The following SKAP2 variants were observed in gnomAD, a reference collection of about 807,000 sequenced individuals.
The protein encoded by SKAP2 is src kinase-associated phosphoprotein 2.
In SKAP2, 28 loss-of-function variants were observed where a neutral mutation model predicts 54.9. The observed-to-expected ratio is 0.51, with a 90% CI of 0.38 to 0.70. The LOEUF is 0.70. Among genes scored for constraint, SKAP2 ranks in the 30% least tolerant of loss-of-function variants. The pLI is 0.00. For missense variants in SKAP2, 356 were observed against 424.1 expected (o/e 0.84, Z 1.41); for synonymous variants, 137 against 134.3 (o/e 1.02, Z -0.14).
intron 4 of SKAP2, among the ~76,000 whole-genome samples, chr7:26,760,540 T>C (rs1782904800): frequency 6.6e-6 from 1 of 152,132 alleles, no homozygotes; most frequent in Non-Finnish European, 1.5e-5. Flanking sequence ...ATTTATAATT[T>C]AGGCACTGCA....
intron 11 of SKAP2, among the ~76,000 whole-genome samples, chr7:26,673,839 A>G (rs1244542498): frequency 1.3e-5 from 2 of 152,120 alleles, no homozygotes; most frequent in Non-Finnish European, 2.9e-5. Flanking sequence ...ACTGGGTAAG[A>G]AGGCAGGAAA....
chr7:26,772,273 T>C (rs1783204845), intron 4 of SKAP2, among the ~76,000 whole-genome samples: 1 of 152,194 alleles, frequency 6.6e-6, no homozygotes, highest in African/African-American at 2.4e-5. Context: ...TGTAGGTTTG[T>C]TACAAGGGTA....
intron 4 of SKAP2, among the ~76,000 whole-genome samples, chr7:26,776,426 A>G (rs1206913051): frequency 2.0e-5 from 3 of 152,122 alleles, no homozygotes; most frequent in Admixed American, 2.0e-4. Flanking sequence ...GACTGAACTC[A>G]TTACCTCCTT....
chr7:26,659,598 T>C, the SKAP2 span, among the ~76,000 whole-genome samples: 1 of 152,186 alleles, frequency 6.6e-6, no homozygotes, highest in African/African-American at 2.4e-5. Context: ...AAATCACTTC[T>C]AGCATGTTTA....
chr7:26,819,865 G>C (rs1031492096), intron 4 of SKAP2, among the ~76,000 whole-genome samples: 6 of 152,090 alleles, frequency 3.9e-5, no homozygotes, highest in African/African-American at 1.4e-4. Context: ...AATCTAGAAG[G>C]AGCAAGTAGA....
intron 4 of SKAP2, among the ~76,000 whole-genome samples, chr7:26,810,719 G>C (rs1784124787): frequency 6.6e-6 from 1 of 152,046 alleles, no homozygotes; most frequent in African/African-American, 2.4e-5. Context: ...GTCTCACTCT[G>C]TCACCAGGCT....
At chr7:26,846,051 T>C (rs1398018273) in intron 3 of SKAP2, among the ~76,000 whole-genome samples, 1 of 152,210 alleles carries the variant, frequency 6.6e-6, no homozygotes, top group Admixed American at 6.5e-5. Flanking sequence ...ATGGAATATG[T>C]ACCAGTAGGG....
rs1327291807 is a variant in SKAP2, at chr7:26,668,986, C to G, written c.*680G>C. On this transcript the variant is annotated 3_prime_UTR_variant, in exon 13 of 13. Coordinates refer to ENST00000345317, the MANE Select transcript of SKAP2 (RefSeq NM_003930.5). ...AAATGTTGCCAGGCCCATCATCGCA[C>G]CAGGATATTTGTACGGTAAAATGCT... 1 of 152,048 alleles carries G rather than the reference C, an allele frequency of 6.6e-6. No individual in the cohort carries two copies. Among genetic ancestry groups the G allele is most frequent in the East Asian group, 1.9e-4 (1 of 5,190 alleles). 9.4% of individuals were successfully genotyped at this position (152,048 alleles called of 1,614,324 possible).
At chr7:26,846,895 C>A (rs1306686310) in intron 3 of SKAP2, among the ~76,000 whole-genome samples, 1 of 152,114 alleles carries the variant, frequency 6.6e-6, no homozygotes, top group African/African-American at 2.4e-5. Context: ...GCAGGGAGAA[C>A]TGCTTGAACC....
intron 4 of SKAP2, among the ~76,000 whole-genome samples, chr7:26,773,050 A>G (rs3801855): frequency 0.38 from 57,701 of 151,976 alleles, 11,559 homozygotes; most frequent in Middle Eastern, 0.48. Flanking sequence ...TAAGATGAAG[A>G]TGATATTTTC....
intron 4 of SKAP2, among the ~76,000 whole-genome samples, chr7:26,815,798 A>T (rs1784253933): frequency 6.6e-6 from 1 of 152,206 alleles, no homozygotes; most frequent in South Asian, 2.1e-4. Flanking sequence ...CCCCAAACTT[A>T]GTTGGGAATG....
At chr7:26,849,600 G>A (rs754736124) in intron 3 of SKAP2, among the ~76,000 whole-genome samples, 7 of 150,488 alleles carry the variant, frequency 4.7e-5, no homozygotes, top group Non-Finnish European at 1.0e-4. Flanking sequence ...AAGGAGAATC[G>A]CTTGAACCCA....
intron 4 of SKAP2, among the ~76,000 whole-genome samples, chr7:26,771,012 T>C (rs1416294028): frequency 1.3e-5 from 2 of 152,196 alleles, no homozygotes; most frequent in African/African-American, 4.8e-5. Flanking sequence ...CTTAATAATA[T>C]TTCAAAGGAA....
chr7:26,791,244 A>G (rs977656465), intron 4 of SKAP2, among the ~76,000 whole-genome samples: 2 of 152,140 alleles, frequency 1.3e-5, no homozygotes, highest in African/African-American at 4.8e-5. Flanking sequence ...ACCTAGTTCA[A>G]TATAAAAATT....
At chr7:26,781,010 C>A (rs924939320) in intron 4 of SKAP2, among the ~76,000 whole-genome samples, 2 of 152,046 alleles carry the variant, frequency 1.3e-5, no homozygotes, top group South Asian at 2.1e-4. Context: ...TATACAAATT[C>A]CTATTATAAT....
chr7:26,855,007 T>C, intron 1 of SKAP2, 117 bp from the exon 2 acceptor site: 3 of 666,484 alleles, frequency 4.5e-6, no homozygotes, highest in Admixed American at 3.3e-5. Flanking sequence ...CAATTTGTTA[T>C]AGTTATTTAT....
At chr7:26,759,193 T>C (rs1358222582) in intron 4 of SKAP2, among the ~76,000 whole-genome samples, 2 of 152,214 alleles carry the variant, frequency 1.3e-5, no homozygotes, top group Non-Finnish European at 2.9e-5. Context: ...TTAATAGATA[T>C]ACTGACACAA....
At chr7:26,719,630 A>G (rs1337273307) in intron 9 of SKAP2, among the ~76,000 whole-genome samples, 1 of 152,196 alleles carries the variant, frequency 6.6e-6, no homozygotes, top group Admixed American at 6.5e-5. Context: ...TCCTTCCAAG[A>G]TAGTAGCTCA....
chr7:26,708,366 A>G (rs923083621), intron 9 of SKAP2, among the ~76,000 whole-genome samples: 2 of 151,986 alleles, frequency 1.3e-5, no homozygotes, highest in African/African-American at 4.8e-5. Context: ...TTATTATTGT[A>G]GGGGCAAAAA....
Sources: allele counts gnomAD v4.1 joint callset (sites outside exome capture counted in the v4.1 genomes callset), GRCh38; gene constraint gnomAD v4.1.1; transcripts MANE v1.5; gene names NCBI Gene and HGNC (gene_info 2026-07-23, HGNC 2026-07-21).